The following CRADD variants were observed in gnomAD, a reference collection of about 807,000 sequenced individuals.
CRADD encodes death domain-containing protein CRADD.
A neutral mutation model predicts 15.5 loss-of-function variants in CRADD; 9 were observed. The ratio of observed to expected loss-of-function variants is 0.58; its 90% CI spans 0.35 to 1.01. CRADD has a LOEUF of 1.01. CRADD is among the 50% of genes least tolerant of loss of function. The pLI, the probability that CRADD is intolerant of heterozygous loss-of-function variation, is 0.02. For synonymous variants in CRADD, 118 were observed against 107.6 expected, an observed-to-expected ratio of 1.10 and a Z score of -0.60; for missense variants, 227 against 250.3, an observed-to-expected ratio of 0.91 and a Z score of 0.63.
Position 93,747,453 on chromosome 12 carries a change from A to C in CRADD, c.298+68381A>C, listed in dbSNP as rs536315022. Among the ~76,000 whole-genome samples the C allele has an allele frequency of 5.4e-5, 8 of 149,426 alleles. No homozygotes were observed. The South Asian group carries it at 1.5e-3, about 28-fold the overall frequency. ...TTTTTCTCTTTTTTTCCTTCCTCTT[A>C]ATTTTTCTTCTTCTTTTTTTTTTTT... On this transcript the variant is annotated intron_variant, in intron 2 of 2. Transcript: ENST00000332896.
intron 2 of CRADD, among the ~76,000 whole-genome samples, chr12:93,813,931 C>T (rs1398007647): frequency 1.3e-5 from 2 of 152,060 alleles, no homozygotes; most frequent in African/African-American, 4.8e-5. Context: ...CCCTTTCCCC[C>T]AGCTACCGAG....
intron 2 of CRADD, chr12:93,714,594 G>C (rs373691480): frequency 6.6e-6 from 1 of 152,208 alleles, no homozygotes; most frequent in Non-Finnish European, 1.5e-5. Context: ...CTGGAGGTCA[G>C]CTGCTTCTGG....
At chr12:93,753,395 A>G (rs1956851898) in intron 2 of CRADD, among the ~76,000 whole-genome samples, 1 of 152,154 alleles carries the variant, frequency 6.6e-6, no homozygotes, top group Non-Finnish European at 1.5e-5. Flanking sequence ...TCACGTCTTC[A>G]CATTTCAAAA....
intron 2 of CRADD, among the ~76,000 whole-genome samples, chr12:93,811,125 TG>T (rs1957621933): frequency 6.6e-6 from 1 of 152,158 alleles, no homozygotes; most frequent in Non-Finnish European, 1.5e-5. Context: ...AACCTCATGC[TG>T]GGGTTTTGGG....
chr12:93,757,499 C>G (rs1348626694), intron 2 of CRADD, among the ~76,000 whole-genome samples: 1 of 152,236 alleles, frequency 6.6e-6, no homozygotes, highest in Non-Finnish European at 1.5e-5. Flanking sequence ...TGTTTCATCT[C>G]TCCCATCTCT....
chr12:93,807,981 CAAAAAAAA>C (rs368104878), intron 2 of CRADD, among the ~76,000 whole-genome samples: 10 of 67,744 alleles, frequency 1.5e-4, no homozygotes, highest in Non-Finnish European at 2.4e-4. Context: ...AAGTGTTATG[CAAAAAAAA>C]AAAAAAAAAA....
At chr12:93,839,714 T>A (rs776755721) in intron 2 of CRADD, among the ~76,000 whole-genome samples, 2 of 152,244 alleles carry the variant, frequency 1.3e-5, no homozygotes, top group Non-Finnish European at 2.9e-5. Flanking sequence ...CTTTTGTGTT[T>A]CCTCTAATTC....
chr12:93,777,836 G>T (rs138371657), intron 2 of CRADD, among the ~76,000 whole-genome samples: 132 of 152,170 alleles, frequency 8.7e-4, no homozygotes, highest in African/African-American at 3.0e-3. Context: ...CTTGCTCTTT[G>T]CTTCTCATTC....
At chr12:93,845,964 G>A (rs1593040155) in intron 2 of CRADD, among the ~76,000 whole-genome samples, 1 of 151,548 alleles carries the variant, frequency 6.6e-6, no homozygotes, top group East Asian at 1.9e-4. Context: ...CCACCCCCTG[G>A]CAACCAGCAT....
intron 2 of CRADD, chr12:93,790,903 C>T (rs775337023): frequency 2.2e-5 from 2 of 89,538 alleles, no homozygotes; most frequent in Non-Finnish European, 4.2e-5. Context: ...AATAAAATGC[C>T]ATATACATGA....
intron 2 of CRADD, among the ~76,000 whole-genome samples, chr12:93,865,347 C>G (rs1367748331): frequency 6.6e-6 from 1 of 152,170 alleles, no homozygotes; most frequent in Non-Finnish European, 1.5e-5. Context: ...GAAAGCAATA[C>G]CTATGGATGC....
intron 2 of CRADD, among the ~76,000 whole-genome samples, chr12:93,809,904 G>C (rs1309532762): frequency 6.6e-6 from 1 of 152,074 alleles, no homozygotes; most frequent in East Asian, 1.9e-4. Context: ...TGTTCTCCTT[G>C]ATAGAAATCT....
chr12:93,786,563 C>T (rs1168602793), intron 2 of CRADD, among the ~76,000 whole-genome samples: 4 of 152,058 alleles, frequency 2.6e-5, no homozygotes, highest in East Asian at 3.9e-4. Context: ...TAGATGCCAG[C>T]GCTTCTTTAT....
At chr12:93,796,738 C>G (rs1374339313) in intron 2 of CRADD, among the ~76,000 whole-genome samples, 1 of 152,060 alleles carries the variant, frequency 6.6e-6, no homozygotes, top group South Asian at 2.1e-4. Context: ...GAGTTTTTAC[C>G]TGAAACCCCT....
chr12:93,854,249 C>T (rs1254848288), downstream of CRADD, among the ~76,000 whole-genome samples: 1 of 152,068 alleles, frequency 6.6e-6, no homozygotes. Flanking sequence ...GCAGGATGCT[C>T]TAGGGCGGCC....
chr12:93,702,361 A>G (rs924355408), intron 2 of CRADD, among the ~76,000 whole-genome samples: 6 of 151,824 alleles, frequency 4.0e-5, no homozygotes, highest in Non-Finnish European at 1.5e-5. Flanking sequence ...GAGAAAAAAA[A>G]CCATCACTTC....
chr12:93,852,186 TC>T (rs1194918402), downstream of CRADD, among the ~76,000 whole-genome samples: 1 of 152,180 alleles, frequency 6.6e-6, no homozygotes, highest in Non-Finnish European at 1.5e-5. Flanking sequence ...ATTGCTGTCT[TC>T]CCCCTGGGTT....
chr12:93,724,035 G>A lies in CRADD; in HGVS notation c.298+44963G>A, dbSNP rs1266595463. Among the ~76,000 whole-genome samples the A allele has an allele frequency of 2.6e-5, 4 of 152,224 alleles. No homozygotes were observed. The East Asian group carries it at 7.7e-4, about 29-fold the overall frequency. On this transcript the variant is annotated intron_variant, in intron 2 of 2. Transcript: ENST00000332896. Reference sequence around the variant, plus strand: ...CAGTGCTCTGGCATATTTCAAAATGGTTCCTTTTCCTTCTCCTCCTGCTGG... The same window carrying A: ...CAGTGCTCTGGCATATTTCAAAATGATTCCTTTTCCTTCTCCTCCTGCTGG...
chr12:93,688,039 G>A (rs1227231469), intron 2 of CRADD, among the ~76,000 whole-genome samples: 1 of 152,218 alleles, frequency 6.6e-6, no homozygotes, highest in Non-Finnish European at 1.5e-5. Flanking sequence ...TGGAGACAGA[G>A]TCTCCTGCTG....
Sources: allele counts gnomAD v4.1 joint callset (sites outside exome capture counted in the v4.1 genomes callset), GRCh38; gene constraint gnomAD v4.1.1; transcripts MANE v1.5; gene names NCBI Gene and HGNC (gene_info 2026-07-23, HGNC 2026-07-21).